KCNQ2: variants seen among roughly 807,000 people sequenced by gnomAD.
The protein encoded by KCNQ2 is potassium voltage-gated channel subfamily KQT member 2.
Under a neutral mutation model 84.8 loss-of-function variants are expected in KCNQ2, and 14 were observed. The observed-to-expected ratio is 0.17, with a 90% CI of 0.11 to 0.26. The LOEUF (loss-of-function observed/expected upper bound fraction) is 0.26. Among genes scored for constraint, KCNQ2 ranks in the 10% least tolerant of loss-of-function variants. KCNQ2 has a pLI of 1.00. For synonymous variants in KCNQ2, 599 were observed against 554.1 expected, an observed-to-expected ratio of 1.08 and a Z score of -1.14; for missense variants, 788 against 1,254.0, an observed-to-expected ratio of 0.63 and a Z score of 5.61.
chr20:63,429,615 T>A (rs1263388875), intron 9 of KCNQ2, among the ~76,000 whole-genome samples: 1 of 152,212 alleles, frequency 6.6e-6, no homozygotes, highest in Non-Finnish European at 1.5e-5. Context: ...GTCCTCCAGA[T>A]GGGCATCCTT....
chr20:63,406,695 G>A lies in KCNQ2; in HGVS notation c.2568C>T (p.Ala856=). The change falls in exon 17 of 17, where the codon GCC becomes GCT. Residue 856 remains alanine (A), a synonymous_variant. Transcript: ENST00000359125. ...CTPCGPPPRS[A]TGEGPFGDVG... Reference sequence around the variant, plus strand: ...CGTCACCAAAGGGACCCTCGCCGGTGGCCGAGCGTGGCGGGGGCCCGCACG... The same window carrying A: ...CGTCACCAAAGGGACCCTCGCCGGTAGCCGAGCGTGGCGGGGGCCCGCACG... 6.2e-7 allele frequency: 1 copy of A among 1,606,754 alleles called. No homozygotes were observed. Among genetic ancestry groups the A allele is most frequent in the African/African-American group, 1.3e-5 (1 of 75,006 alleles).
intron 14 of KCNQ2, 147 bp from the exon 15 acceptor site, chr20:63,413,728 G>C (rs1360819963): frequency 2.1e-6 from 2 of 946,494 alleles, no homozygotes; most frequent in South Asian, 1.5e-5. Flanking sequence ...TCCACACACA[G>C]AAGGGCCTTT....
chr20:63,431,432 AG>A (rs2080784874), intron 8 of KCNQ2, 63 bp from the exon 9 acceptor site: 3 of 1,552,992 alleles, frequency 1.9e-6, no homozygotes, highest in Non-Finnish European at 2.7e-6. Context: ...GAACGGGATA[AG>A]AAAAAGAAAA....
At chr20:63,417,238 G>A (rs2080325230) in intron 12 of KCNQ2, among the ~76,000 whole-genome samples, 3 of 152,204 alleles carry the variant, frequency 2.0e-5, no homozygotes, top group African/African-American at 4.8e-5. Flanking sequence ...AACCGGACGG[G>A]GGCCAGGGGA....
chr20:63,459,768 C>T (rs769342400), intron 1 of KCNQ2: 1 of 152,200 alleles, frequency 6.6e-6, no homozygotes. Flanking sequence ...ACAAAATAAA[C>T]CGTGTTGTCA....
rs1158235737 is a variant in KCNQ2, at chr20:63,400,841, T to A, written c.*5803A>T. The A allele has an allele frequency of 2.5e-6, 1 of 398,238 alleles. No individual in the cohort carries two copies. Among genetic ancestry groups the A allele is most frequent in the African/African-American group, 2.1e-5 (1 of 48,584 alleles). The allele number at this position is 398,238 out of a possible 1,614,324, so 24.7% of individuals were successfully genotyped here. A position where few individuals can be genotyped will look rare whatever the true frequency, so the allele number is the denominator to read the frequency against. On this transcript the variant is annotated 3_prime_UTR_variant, in exon 17 of 17. Coordinates refer to ENST00000359125, the MANE Select transcript of KCNQ2 (RefSeq NM_172107.4). The surrounding 1 kb of genome is among the most constrained non-coding windows in gnomAD (Gnocchi z 8.7). ...GCCCTGCGCGTGTCTCTGGAGCCCGTCCCTTGGGCCCCTCGCCCGCCCCAC... is the reference window on the plus strand; with the variant it reads ...GCCCTGCGCGTGTCTCTGGAGCCCGACCCTTGGGCCCCTCGCCCGCCCCAC...
At position 63,433,049 on chromosome 20, in the gene KCNQ2, G is replaced by A. The variant is rs377333636; in HGVS notation, c.1118+760C>T. ...CAGACGGACTCGAGGGGTCAGGCCC[G>A]CGTGGACCAGGAGAAAGGCCCTCAG... is the stretch of plus-strand genomic sequence containing the variant. On this transcript the variant is annotated intron_variant, in intron 8 of 16. Transcript: ENST00000359125. Among the ~76,000 whole-genome samples, 138 of 152,316 alleles carry A rather than the reference G, an allele frequency of 9.1e-4. 2 individuals are homozygous for A. In the South Asian group the frequency reaches 0.021, roughly 23 times the overall value.
chr20:63,470,266 C>A (rs777372961), intron 1 of KCNQ2, among the ~76,000 whole-genome samples: 5 of 148,644 alleles, frequency 3.4e-5, no homozygotes, highest in Non-Finnish European at 7.4e-5. Context: ...GCTCCGTGCC[C>A]ACAGCAAAGG....
chr20:63,443,245 TCA>T (rs2081290164), intron 4 of KCNQ2, among the ~76,000 whole-genome samples: 3 of 19,006 alleles, frequency 1.6e-4, no homozygotes, highest in Non-Finnish European at 2.1e-4. Flanking sequence ...ATCACCACCA[TCA>T]CATCACCATC....
At chr20:63,432,736 T>TCTGGGAAGGCCCCACCCA (rs2080859615) in intron 8 of KCNQ2, among the ~76,000 whole-genome samples, 2 of 90,502 alleles carry the variant, frequency 2.2e-5, no homozygotes, top group Non-Finnish European at 4.9e-5. Context: ...GGCTCCACCC[T>TCTGGGAAGGCCCCACCCA]CAGGGAAGGC....
At chr20:63,441,882 G>C (rs1462912929) in intron 5 of KCNQ2, among the ~76,000 whole-genome samples, 1 of 152,230 alleles carries the variant, frequency 6.6e-6, no homozygotes, top group Non-Finnish European at 1.5e-5. Flanking sequence ...GCTAGGCCCG[G>C]GGTCTGGTCT....
chr20:63,432,969 G>A (rs1358421100), intron 8 of KCNQ2, among the ~76,000 whole-genome samples: 3 of 152,180 alleles, frequency 2.0e-5, no homozygotes, highest in African/African-American at 7.2e-5. Flanking sequence ...GGGAAGTCCC[G>A]GGGCTCAGTT....
At chr20:63,459,697 G>GA (rs1481561592) in intron 1 of KCNQ2, among the ~76,000 whole-genome samples, 1 of 152,144 alleles carries the variant, frequency 6.6e-6, no homozygotes, top group Non-Finnish European at 1.5e-5. Context: ...AAACGCCTCT[G>GA]AATTACTCGC....
chr20:63,416,199 CCGGCCCCCT>C (rs2080290540), intron 12 of KCNQ2, among the ~76,000 whole-genome samples: 1 of 152,186 alleles, frequency 6.6e-6, no homozygotes, highest in Non-Finnish European at 1.5e-5. Context: ...GCGCTGTGGC[CCGGCCCCCT>C]CGGCCTGCGA....
chr20:63,462,676 C>T (rs757163000), intron 1 of KCNQ2, among the ~76,000 whole-genome samples: 3 of 152,224 alleles, frequency 2.0e-5, no homozygotes, highest in Non-Finnish European at 4.4e-5. Context: ...TTCATCCTGC[C>T]GACCTGCACC....
intron 9 of KCNQ2, among the ~76,000 whole-genome samples, chr20:63,429,115 G>T (rs2145641805): frequency 6.6e-6 from 1 of 151,914 alleles, no homozygotes; most frequent in East Asian, 2.0e-4. Context: ...CCCCCAGGCA[G>T]GTATGCAGGC....
chr20:63,440,375 C>T (rs921556984), intron 5 of KCNQ2, among the ~76,000 whole-genome samples: 4 of 152,144 alleles, frequency 2.6e-5, no homozygotes, highest in East Asian at 1.9e-4. Context: ...CAAGCAGCTC[C>T]GACAAGAGAT....
At chr20:63,455,827 C>T (rs1007208739) in intron 1 of KCNQ2, among the ~76,000 whole-genome samples, 8 of 135,022 alleles carry the variant, frequency 5.9e-5, no homozygotes, top group Non-Finnish European at 1.1e-4. Context: ...GGCCCCTCTG[C>T]TCACGGGCCC....
chr20:63,455,124 C>T (rs935043804), intron 1 of KCNQ2, among the ~76,000 whole-genome samples: 1 of 152,084 alleles, frequency 6.6e-6, no homozygotes, highest in African/African-American at 2.4e-5. Flanking sequence ...GGCGGGAAGA[C>T]GATGGGAGGA....
Sources: gnomAD v4.1 joint callset for allele counts (sites outside exome capture counted in the v4.1 genomes callset) on GRCh38, gnomAD v4.1.1 for gene constraint, Gnocchi (gnomAD v3.1) non-coding constraint, MANE v1.5 for transcripts, NCBI Gene and HGNC (gene_info 2026-07-23, HGNC 2026-07-21) for gene names.